FGFR2: variants seen among roughly 807,000 people sequenced by gnomAD.
FGFR2 encodes fibroblast growth factor receptor 2, also known as BEK fibroblast growth factor receptor.
A neutral mutation model predicts 95.9 loss-of-function variants in FGFR2; 19 were observed. The ratio of observed to expected loss-of-function variants is 0.20; its 90% CI spans 0.14 to 0.29. FGFR2 has a LOEUF of 0.29. Among genes scored for constraint, FGFR2 ranks in the 10% least tolerant of loss-of-function variants. The probability of loss-of-function intolerance (pLI) is 1.00; values close to 1 mark genes in which losing one functional copy is unlikely to be tolerated. For missense variants in FGFR2, 707 were observed against 1,056.9 expected (o/e 0.67, Z 4.59); for synonymous variants, 392 against 393.3 (o/e 1.00, Z 0.04).
At chr10:121,486,271 G>C (rs1189456372) in intron 15 of FGFR2, among the ~76,000 whole-genome samples, 4 of 152,166 alleles carry the variant, frequency 2.6e-5, no homozygotes, top group Non-Finnish European at 5.9e-5. Context: ...GTTTTCTACA[G>C]AGCAAAAGCA....
intron 2 of FGFR2, among the ~76,000 whole-genome samples, chr10:121,579,831 G>A (rs986504891): frequency 2.6e-5 from 4 of 152,108 alleles, no homozygotes; most frequent in African/African-American, 9.7e-5. Flanking sequence ...GCGTTACTGC[G>A]AGTTGGGGCG....
Position 121,564,573 on chromosome 10 carries a change from A to G in FGFR2, c.383T>C (p.Ile128Thr), listed in dbSNP as rs1271274434. Reference sequence around the variant, plus strand: ...GTCATCCTCATCATCTCCGGATGAGATGGCATCTGTATGCAAAAGAACATA... The same window carrying G: ...GTCATCCTCATCATCTCCGGATGAGGTGGCATCTGTATGCAAAAGAACATA... ...WYFMVNVTDAISSGDDEDDTD... is the reference protein window; with the variant it reads ...WYFMVNVTDATSSGDDEDDTD... Residue 128 changes from isoleucine (I) to threonine (T), a missense_variant, in exon 4 of 18, where the codon ATC (isoleucine) becomes ACC (threonine). Transcript: ENST00000358487. The G allele has an allele frequency of 1.9e-6, 3 of 1,613,614 alleles. No homozygotes were observed. Among genetic ancestry groups the G allele is most frequent in the African/African-American group, 1.3e-5 (1 of 75,046 alleles).
At chr10:121,559,111 G>GAAAAAAAAAAAAA (rs904279035) in intron 4 of FGFR2, among the ~76,000 whole-genome samples, 1 of 55,230 alleles carries the variant, frequency 1.8e-5, no homozygotes, top group Non-Finnish European at 4.0e-5. Context: ...TCCAAAAGGA[G>GAAAAAAAAAAAAA]AAAAAAAAAA....
At chr10:121,520,465 A>G (rs1018104856) in intron 6 of FGFR2, among the ~76,000 whole-genome samples, 3 of 152,170 alleles carry the variant, frequency 2.0e-5, no homozygotes, top group African/African-American at 7.2e-5. Context: ...AAGAAATTCT[A>G]CTCTGACAAT....
intron 7 of FGFR2, among the ~76,000 whole-genome samples, chr10:121,519,208 A>C (rs1364439737): frequency 6.6e-6 from 1 of 152,184 alleles, no homozygotes; most frequent in Non-Finnish European, 1.5e-5. Context: ...ATTCTCCATG[A>C]GCAACTAGAC....
At chr10:121,495,538 G>A (rs1325991327) in intron 13 of FGFR2, among the ~76,000 whole-genome samples, 1 of 152,110 alleles carries the variant, frequency 6.6e-6, no homozygotes, top group Non-Finnish European at 1.5e-5. Flanking sequence ...AGAACATGGG[G>A]TAGCTCTGGG....
chr10:121,487,585 T>A (rs758797097), intron 14 of FGFR2, among the ~76,000 whole-genome samples, 161 bp from the exon 15 acceptor site: 3 of 152,246 alleles, frequency 2.0e-5, no homozygotes, highest in Admixed American at 6.5e-5. Context: ...GAACAATGTG[T>A]GAGATGCACA....
At position 121,479,069 on chromosome 10, in the gene FGFR2, T is replaced by C. The variant is rs1019135689; in HGVS notation, c.*788A>G. On this transcript the variant is annotated 3_prime_UTR_variant, in exon 18 of 18. Transcript: ENST00000358487. ...ATTTAAACACAAATAAATCAAAACT[T>C]CATTTTCCCCAAATTAGTCATATAT... is the stretch of plus-strand genomic sequence containing the variant. 1 of 232,914 alleles carries C rather than the reference T, an allele frequency of 4.3e-6. No individual in the cohort carries two copies. The highest frequency in any genetic ancestry group is 2.2e-5 in the African/African-American group (1 of 45,324). The allele number at this position is 232,914 out of a possible 1,614,324, so 14.4% of individuals were successfully genotyped here. A position where few individuals can be genotyped will look rare whatever the true frequency, so the allele number is the denominator to read the frequency against.
At chr10:121,598,449 AGCCGCCGCCCGC>A (rs1001989773), upstream of FGFR2, 5 of 159,722 alleles carry the variant, frequency 3.1e-5, no homozygotes, top group East Asian at 1.7e-4. Context: ...GCTCTCCTCC[AGCCGCCGCCCGC>A]GCCGCCGCCG....
rs149766920 is a variant in FGFR2 at position 121,588,833 on chromosome 10, G to A, written c.109+4876C>T. 3.4e-4 allele frequency among the ~76,000 whole-genome samples: 52 copies of A among 152,228 alleles called. No homozygotes were observed. In the East Asian group the frequency reaches 9.3e-3, roughly 27 times the overall value. ...TTCAGCCCAGGAGTCCGAGGGTACAGTGAGCCACGTTTGACAATGCAGTGA... is the reference window on the plus strand; with the variant it reads ...TTCAGCCCAGGAGTCCGAGGGTACAATGAGCCACGTTTGACAATGCAGTGA... On this transcript the variant is annotated intron_variant, in intron 2 of 17. Coordinates refer to ENST00000358487, the MANE Select transcript of FGFR2 (RefSeq NM_000141.5).
intron 5 of FGFR2, among the ~76,000 whole-genome samples, chr10:121,542,791 T>A (rs1277133043): frequency 1.3e-5 from 2 of 152,198 alleles, no homozygotes; most frequent in African/African-American, 4.8e-5. Flanking sequence ...GGAATTCTTC[T>A]GTTACCTTCA....
chr10:121,548,423 G>A (rs147868617), intron 5 of FGFR2, among the ~76,000 whole-genome samples: 42 of 152,058 alleles, frequency 2.8e-4, no homozygotes, highest in East Asian at 1.7e-3. Context: ...TTTCTGCTGG[G>A]AGTCCTCATT....
intron 2 of FGFR2, among the ~76,000 whole-genome samples, chr10:121,576,163 G>A (rs1048119215): frequency 4.6e-5 from 7 of 152,156 alleles, no homozygotes; most frequent in Admixed American, 2.0e-4. Context: ...CTCCAACCTG[G>A]GCAACAAGAG....
intron 6 of FGFR2, among the ~76,000 whole-genome samples, chr10:121,533,040 C>A (rs1852305279): frequency 6.6e-6 from 1 of 152,200 alleles, no homozygotes; most frequent in African/African-American, 2.4e-5. Flanking sequence ...CTGCTGCTTA[C>A]AGCTTTCATT....
chr10:121,508,357 G>A (rs1017069698), intron 9 of FGFR2, among the ~76,000 whole-genome samples: 1 of 152,186 alleles, frequency 6.6e-6, no homozygotes, highest in Non-Finnish European at 1.5e-5. Context: ...TCATCTCAGG[G>A]CAGGAGGAAA....
intron 2 of FGFR2, chr10:121,583,297 G>C (rs1473484198): frequency 1.3e-5 from 2 of 152,250 alleles, no homozygotes; most frequent in African/African-American, 4.8e-5. Flanking sequence ...ATTCTGGGAA[G>C]AAAAGCTTGA....
At chr10:121,481,853 T>TTTTTTTC (rs1844759417) in intron 17 of FGFR2, 2 of 197,170 alleles carry the variant, frequency 1.0e-5, no homozygotes, top group Admixed American at 6.0e-5. Context: ...TTTTTTTTTT[T>TTTTTTTC]TGAGACGGAG....
rs1384487529 is a variant in FGFR2, at chr10:121,531,711, T to C, written c.748+6881A>G. 6.6e-6 allele frequency among the ~76,000 whole-genome samples: 1 copy of C among 152,152 alleles called. No individual in the cohort carries two copies. The highest frequency in any genetic ancestry group is 1.5e-5 in the Non-Finnish European group (1 of 68,030). On this transcript the variant is annotated intron_variant, in intron 6 of 17. Transcript: ENST00000358487. The surrounding 1 kb of genome is among the most constrained non-coding windows in gnomAD (Gnocchi z 4.5). Reference sequence around the variant, plus strand: ...TGAGGCTCAGAGGTTCCATGCCTTTTCTAAGGCCATAGAGTTAGCAAGGGT... The same window carrying C: ...TGAGGCTCAGAGGTTCCATGCCTTTCCTAAGGCCATAGAGTTAGCAAGGGT...
intron 1 of FGFR2, among the ~76,000 whole-genome samples, chr10:121,594,581 T>C (rs957655781): frequency 1.3e-5 from 2 of 152,204 alleles, no homozygotes; most frequent in Admixed American, 6.5e-5. Context: ...GGATTCATTT[T>C]CAAATGGAGA....
Sources: allele counts gnomAD v4.1 joint callset (sites outside exome capture counted in the v4.1 genomes callset), GRCh38; gene constraint gnomAD v4.1.1; non-coding constraint Gnocchi (gnomAD v3.1); transcripts MANE v1.5; gene names NCBI Gene and HGNC (gene_info 2026-07-23, HGNC 2026-07-21).